Variants in MEGF8 observed in about 807,000 individuals in gnomAD.
The protein encoded by MEGF8 is multiple epidermal growth factor-like domains protein 8.
In MEGF8, 156 loss-of-function variants were observed where a neutral mutation model predicts 302.9. The observed-to-expected ratio is 0.52, with a 90% CI of 0.45 to 0.59. The LOEUF (loss-of-function observed/expected upper bound fraction) is 0.59, where lower values mean the gene tolerates loss of function less well. Ranked by LOEUF, MEGF8 falls within the 20% of genes least tolerant of loss-of-function variation. The pLI is 0.00. For synonymous variants in MEGF8, 1,621 were observed against 1,660.5 expected (o/e 0.98, Z 0.58); for missense variants, 3,345 against 3,964.5 (o/e 0.84, Z 4.20).
Position 42,356,748 on chromosome 19 carries a change from G to A in MEGF8, c.4623-26G>A. 1 of 1,531,238 alleles carries A rather than the reference G, an allele frequency of 6.5e-7. No individual in the cohort carries two copies. Among genetic ancestry groups the A allele is most frequent in the Non-Finnish European group, 8.8e-7 (1 of 1,135,226 alleles). 94.9% of individuals were successfully genotyped at this position (1,531,238 alleles called of 1,614,324 possible). A position where few individuals can be genotyped will look rare whatever the true frequency, so the allele number is the denominator to read the frequency against. ...AGGATGCTGGGATGACTGTAATGAG[G>A]CTGCTTTTTTGCACCCTGGCCCCAG... On this transcript the variant is annotated intron_variant, in intron 26 of 41. Coordinates refer to ENST00000251268, the MANE Select transcript of MEGF8 (RefSeq NM_001271938.2). This position sits in a 1 kb window ranked among gnomAD's most constrained non-coding sequence, Gnocchi z 5.2.
At position 42,373,952 on chromosome 19, in the gene MEGF8, G is replaced by T. The variant is rs11879073; in HGVS notation, c.7270-1555G>T. 3.2e-3 allele frequency among the ~76,000 whole-genome samples: 491 copies of T among 151,892 alleles called. 1 individual carries two copies. Among genetic ancestry groups the T allele is most frequent in the Middle Eastern group, 0.021 (6 of 292 alleles). On this transcript the variant is annotated intron_variant, in intron 41 of 41. Transcript: ENST00000251268. ...GGTCTCGAACTCCTGGGCTCAAGCG[G>T]CACTCCTGCCTCAGCCTCCTGAAGC... is the stretch of plus-strand genomic sequence containing the variant.
At chr19:42,372,457 A>T (rs1306899865) in intron 41 of MEGF8, among the ~76,000 whole-genome samples, 1 of 151,630 alleles carries the variant, frequency 6.6e-6, no homozygotes, top group African/African-American at 2.4e-5. Flanking sequence ...TCAGAGGACA[A>T]CTCCCGCCAC....
At chr19:42,327,602 A>G (rs1034494996) in intron 1 of MEGF8, among the ~76,000 whole-genome samples, 18 of 152,214 alleles carry the variant, frequency 1.2e-4, no homozygotes, top group African/African-American at 4.3e-4. Flanking sequence ...TTTCCACCCA[A>G]TAAACTCCTA....
In MEGF8 at chr19:42,345,348, A is replaced by C. The variant is rs78883704; in HGVS notation, c.2097+515A>C. On this transcript the variant is annotated intron_variant, in intron 12 of 41. Transcript: ENST00000251268. The stretch of plus-strand genomic sequence containing the variant: ...ATTTTTCATCAGTGACATTTAGCAC[A>C]TTTACAATATTGTGCAATCATCACC... Among the ~76,000 whole-genome samples, 309 of 152,368 alleles carry C rather than the reference A, an allele frequency of 2.0e-3. 1 individual carries two copies. The highest frequency in any genetic ancestry group is 3.5e-3 in the Admixed American group (54 of 15,310).
chr19:42,376,252 C>T lies in MEGF8; in HGVS notation c.8015C>T (p.Ala2672Val), dbSNP rs1188695827. ...TCACTCTGTGTGCTCCTCTGGAAGG[C>T]CAAGCAGGCTCTGGACCAGCGGCAG... ...FLSLCVLLWK[A>V]KQALDQRQEQ... Residue 2672 changes from alanine to valine, a missense_variant, in exon 42 of 42, where the codon GCC becomes GTC. Ala to Val is a moderately conservative substitution (Grantham distance 64). Transcript: ENST00000251268. This position sits in a 1 kb window ranked among gnomAD's most constrained non-coding sequence, Gnocchi z 8.2. 1.9e-6 allele frequency: 3 copies of T among 1,609,350 alleles called. No individual in the cohort carries two copies. The East Asian group carries it at 6.7e-5, about 36-fold the overall frequency.
chr19:42,337,261 A>G (rs1371672262), intron 8 of MEGF8, 55 bp downstream of exon 8: 2 of 1,609,104 alleles, frequency 1.2e-6, no homozygotes, highest in African/African-American at 2.7e-5. Flanking sequence ...CTCTCTCCAT[A>G]GTGATTCTGG....
intron 38 of MEGF8, 73 bp from the exon 39 acceptor site, chr19:42,370,116 C>G: frequency 6.7e-7 from 1 of 1,499,408 alleles, no homozygotes. Context: ...CAGAACCTGC[C>G]CCTGTGCCCC....
chr19:42,339,335 C>T (rs1301360364), intron 8 of MEGF8, among the ~76,000 whole-genome samples: 6 of 152,168 alleles, frequency 3.9e-5, no homozygotes, highest in African/African-American at 1.4e-4. Flanking sequence ...TTCCACAATG[C>T]CTGAACTAAT....
chr19:42,363,920 C>T (rs1029543053), intron 35 of MEGF8, among the ~76,000 whole-genome samples: 1 of 152,204 alleles, frequency 6.6e-6, no homozygotes, highest in African/African-American at 2.4e-5. Context: ...CCTTGACTCC[C>T]AGTCTAGATG....
chr19:42,334,605 T>C (rs1212540535), intron 3 of MEGF8, among the ~76,000 whole-genome samples: 1 of 152,166 alleles, frequency 6.6e-6, no homozygotes, highest in Admixed American at 6.5e-5. Context: ...GCTTTCAATC[T>C]GGATTGCGCT....
rs1031532336 is a variant in MEGF8 at position 42,368,726 on chromosome 19, C to A, written c.6481+64C>A. 7.1e-6 allele frequency: 11 copies of A among 1,543,920 alleles called. No homozygotes were observed. In the African/African-American group the frequency reaches 1.4e-4, roughly 19 times the overall value. ...CTTGGTTGGGGTCTGATACAGTGAA[C>A]ATAGGGATACTGGGCCAGACCCAGA... On this transcript the variant is annotated intron_variant, in intron 36 of 41. Coordinates refer to ENST00000251268, the MANE Select transcript of MEGF8 (RefSeq NM_001271938.2). The surrounding 1 kb of genome is among the most constrained non-coding windows in gnomAD (Gnocchi z 4.9).
rs757553830 is a variant in MEGF8 at position 42,358,208 on chromosome 19, C to A, written c.5076C>A (p.Phe1692Leu). The A allele has an allele frequency of 6.2e-7, 1 of 1,603,986 alleles. No individual in the cohort carries two copies. Among genetic ancestry groups the A allele is most frequent in the South Asian group, 1.1e-5 (1 of 88,714 alleles). ...ATDSLYVFGG[F>L]RFHVELAAPS... ...ACTCCCTCTACGTGTTTGGGGGGTT[C>A]CGATTCCATGTGGAGCTGGCGGCCC... The change falls in exon 29 of 42, where the codon TTC becomes TTA. Residue 1692 changes from phenylalanine (F) to leucine (L), a missense_variant. Phe to Leu is a conservative substitution (Grantham distance 22, BLOSUM62 0). Coordinates refer to ENST00000251268, the MANE Select transcript of MEGF8 (RefSeq NM_001271938.2). The surrounding 1 kb of genome is among the most constrained non-coding windows in gnomAD (Gnocchi z 4.4).
At position 42,368,980 on chromosome 19, in the gene MEGF8, A is replaced by G. The variant is rs1172940657; in HGVS notation, c.6619A>G (p.Lys2207Glu). The part of the protein sequence containing the change: ...DQPHGYECSC[K>E]TGYTMDNMTG... ...GCCCCACGGCTATGAGTGCAGCTGC[A>G]AGACCGGCTATACCATGGACAAGTG... The change falls in exon 37 of 42, where the codon AAG becomes GAG. Residue 2207 changes from lysine to glutamate, a missense_variant. Lys to Glu is a moderately conservative substitution (Grantham distance 56). Transcript: ENST00000251268. This position sits in a 1 kb window ranked among gnomAD's most constrained non-coding sequence, Gnocchi z 4.9. 1 of 1,613,734 alleles carries G rather than the reference A, an allele frequency of 6.2e-7. No individual in the cohort carries two copies. Among genetic ancestry groups the G allele is most frequent in the Non-Finnish European group, 8.5e-7 (1 of 1,179,888 alleles).
chr19:42,356,135 C>T lies in MEGF8; in HGVS notation c.4445C>T (p.Thr1482Ile). 1 of 1,580,068 alleles carries T rather than the reference C, an allele frequency of 6.3e-7. No individual in the cohort carries two copies. Among genetic ancestry groups the T allele is most frequent in the Non-Finnish European group, 8.6e-7 (1 of 1,161,946 alleles). Reference sequence around the variant, plus strand: ...GGCTTCGGGGGCCCCGACTGCGCCACCAAGCTGGATGGCGGGCAGCTGGTC... The same window carrying T: ...GGCTTCGGGGGCCCCGACTGCGCCATCAAGCTGGATGGCGGGCAGCTGGTC... ...AEGFGGPDCA[T>I]KLDGGQLVWE... Residue 1482 changes from threonine to isoleucine, a missense_variant, in exon 25 of 42, where the codon ACC becomes ATC. Thr to Ile is a moderately conservative substitution (Grantham distance 89). Coordinates refer to ENST00000251268, the MANE Select transcript of MEGF8 (RefSeq NM_001271938.2). This position sits in a 1 kb window ranked among gnomAD's most constrained non-coding sequence, Gnocchi z 5.2.
rs1391503316 is a variant in MEGF8 at position 42,378,112 on chromosome 19, T to G, written c.*1337T>G. 6.6e-6 allele frequency: 1 copy of G among 152,152 alleles called. No individual in the cohort carries two copies. Among genetic ancestry groups the G allele is most frequent in the African/African-American group, 2.4e-5 (1 of 41,406 alleles). The allele number at this position is 152,152 out of a possible 1,614,324, so 9.4% of individuals were successfully genotyped here. The stretch of plus-strand genomic sequence containing the variant: ...AGATGCCCTTCAGACATCTCTTCAC[T>G]CAGGTCCAACTAGGGATACAGAAAC... On this transcript the variant is annotated 3_prime_UTR_variant, in exon 42 of 42. Coordinates refer to ENST00000251268, the MANE Select transcript of MEGF8 (RefSeq NM_001271938.2).
Position 42,336,237 on chromosome 19 carries a change from G to A in MEGF8, c.1135G>A (p.Val379Met), listed in dbSNP as rs769661801. ...DSTSGGYWEQ[V>M]IPAGGRPPAA... ...CACCAGCGGGGGCTATTGGGAGCAGGTGATTCCGGCAGGCGGACGGCCCCC... is the reference window on the plus strand; with the variant it reads ...CACCAGCGGGGGCTATTGGGAGCAGATGATTCCGGCAGGCGGACGGCCCCC... Residue 379 changes from valine (V) to methionine (M), a missense_variant, in exon 6 of 42, where the codon GTG (valine) becomes ATG (methionine). Coordinates refer to ENST00000251268, the MANE Select transcript of MEGF8 (RefSeq NM_001271938.2). This position sits in a 1 kb window ranked among gnomAD's most constrained non-coding sequence, Gnocchi z 4.8. 1.1e-5 allele frequency: 17 copies of A among 1,609,072 alleles called. No homozygotes were observed. Among genetic ancestry groups the A allele is most frequent in the Non-Finnish European group, 1.4e-5 (17 of 1,179,862 alleles).
Position 42,353,008 on chromosome 19 carries a change from A to T in MEGF8, c.3431A>T (p.Asp1144Val). Residue 1144 changes from aspartate (D) to valine (V), a missense_variant, in exon 20 of 42, where the codon GAC (aspartate) becomes GTC (valine). Asp to Val is a radical substitution (Grantham distance 152). Transcript: ENST00000251268. This position sits in a 1 kb window ranked among gnomAD's most constrained non-coding sequence, Gnocchi z 6.1. ...GTGTGTGACCTAGGCTGGACATCAG[A>T]CCTGCCCCCTCCCACACCCGCCCCG... ...TCVCDLGWTSDLPPPTPAPGP... is the reference protein window; with the variant it reads ...TCVCDLGWTSVLPPPTPAPGP... The T allele has an allele frequency of 6.3e-7, 1 of 1,575,696 alleles. No homozygotes were observed. Among genetic ancestry groups the T allele is most frequent in the Non-Finnish European group, 8.6e-7 (1 of 1,161,292 alleles).
At chr19:42,340,168 A>T (rs1387350033) in intron 8 of MEGF8, among the ~76,000 whole-genome samples, 1 of 152,226 alleles carries the variant, frequency 6.6e-6, no homozygotes, top group Admixed American at 6.5e-5. Context: ...GAGTAAATTG[A>T]GATGATCCTT....
rs374298041 is a variant in MEGF8 at position 42,351,348 on chromosome 19, G to C, written c.2855+14G>C. On this transcript the variant is annotated intron_variant, in intron 16 of 41. Transcript: ENST00000251268. This position sits in a 1 kb window ranked among gnomAD's most constrained non-coding sequence, Gnocchi z 5.6. ...GCTCTGCAGCCAGTGAGTCAGGCTG[G>C]GTGCAGGGAGTGGGTGGGTGGATGT... The C allele has an allele frequency of 1.3e-5, 21 of 1,567,446 alleles. No individual in the cohort carries two copies. The African/African-American group carries it at 1.5e-4, about 11-fold the overall frequency.
Sources: allele counts gnomAD v4.1 joint callset (sites outside exome capture counted in the v4.1 genomes callset), GRCh38; gene constraint gnomAD v4.1.1; non-coding constraint Gnocchi (gnomAD v3.1); transcripts MANE v1.5; gene names NCBI Gene and HGNC (gene_info 2026-07-23, HGNC 2026-07-21).